Variants in TMEM92 observed in about 807,000 individuals in gnomAD.
TMEM92 encodes transmembrane protein 92.
TMEM92 carries 15 observed loss-of-function variants against 14.6 expected under a neutral mutation model. The ratio of observed to expected loss-of-function variants is 1.03; its 90% CI spans 0.69 to 1.58. TMEM92 has a LOEUF of 1.58. Ranked by LOEUF, TMEM92 falls within the 40% of genes most tolerant of loss-of-function variation. The pLI, the probability that TMEM92 is intolerant of heterozygous loss-of-function variation, is 0.00. For missense variants in TMEM92, 174 were observed against 202.4 expected (o/e 0.86, Z 0.85); for synonymous variants, 85 against 83.3 (o/e 1.02, Z -0.11).
rs1910537777 is a variant in TMEM92 at position 50,279,283 on chromosome 17, G to A, written c.455G>A (p.Arg152Lys). ...FRPEEYTGDQ[R>K]GIDNPAF is the part of the protein sequence containing the mutation. ...CCTGAAGAATATACCGGGGATCAGA[G>A]GGGCATTGACAACCCGGCCTTCTGA... Residue 152 changes from arginine to lysine, a missense_variant, in exon 5 of 5, where the codon AGG (arginine) becomes AAG (lysine). Coordinates refer to ENST00000507382, the MANE Select transcript of TMEM92 (RefSeq NM_153229.3). 1 of 1,613,880 alleles carries A rather than the reference G, an allele frequency of 6.2e-7. No individual in the cohort carries two copies.
rs1910565350 is a variant in TMEM92, at chr17:50,279,991, C to T, written c.*683C>T. 1 of 152,376 alleles carries T rather than the reference C, an allele frequency of 6.6e-6. No homozygotes were observed. The highest frequency in any genetic ancestry group is 1.5e-5 in the Non-Finnish European group (1 of 68,194). 9.4% of individuals were successfully genotyped at this position (152,376 alleles called of 1,614,324 possible). A position where few individuals can be genotyped will look rare whatever the true frequency, so the allele number is the denominator to read the frequency against. ...GAGAGGCTTGTTCTAGATGTATTGGCTGTCTGTTTTTTGATGTCTCTGTGT... is the reference window on the plus strand; with the variant it reads ...GAGAGGCTTGTTCTAGATGTATTGGTTGTCTGTTTTTTGATGTCTCTGTGT... On this transcript the variant is annotated 3_prime_UTR_variant, in exon 5 of 5. Transcript: ENST00000507382.
Position 50,279,426 on chromosome 17 carries a change from A to G in TMEM92, c.*118A>G, listed in dbSNP as rs942590518. ...TGCCCATCCTGCCGTGTCTCTGTTCATTCTTGGATTTAACTTATTACTTTT... is the reference window on the plus strand; with the variant it reads ...TGCCCATCCTGCCGTGTCTCTGTTCGTTCTTGGATTTAACTTATTACTTTT... On this transcript the variant is annotated 3_prime_UTR_variant, in exon 5 of 5. Coordinates refer to ENST00000507382, the MANE Select transcript of TMEM92 (RefSeq NM_153229.3). The G allele has an allele frequency of 1.5e-5, 12 of 821,308 alleles. No individual in the cohort carries two copies. Among genetic ancestry groups the G allele is most frequent in the African/African-American group, 1.4e-4 (8 of 57,516 alleles). The allele number at this position is 821,308 out of a possible 1,614,324, so 50.9% of individuals were successfully genotyped here.
In TMEM92 at chr17:50,279,508, A is replaced by G. The variant is rs745743364; in HGVS notation, c.*200A>G. 18 of 537,292 alleles carry G rather than the reference A, an allele frequency of 3.4e-5. No homozygotes were observed. Among genetic ancestry groups the G allele is most frequent in the Non-Finnish European group, 4.9e-5 (15 of 304,612 alleles). The allele number at this position is 537,292 out of a possible 1,614,324, so 33.3% of individuals were successfully genotyped here. Reference sequence around the variant, plus strand: ...TTGTCCTGAGGGTTAGGCTGGAGTGACAGTTTCCGCCCACCCCCCAGCCCA... The same window carrying G: ...TTGTCCTGAGGGTTAGGCTGGAGTGGCAGTTTCCGCCCACCCCCCAGCCCA... On this transcript the variant is annotated 3_prime_UTR_variant, in exon 5 of 5. Coordinates refer to ENST00000507382, the MANE Select transcript of TMEM92 (RefSeq NM_153229.3).
intron 1 of TMEM92, chr17:50,275,157 C>CAAGTAAACT (rs1910386093): frequency 1.3e-5 from 2 of 154,076 alleles, no homozygotes; most frequent in African/African-American, 4.8e-5. Context: ...GTTCCCTCCG[C>CAAGTAAACT]CCTTCTGTTC....
chr17:50,274,757 G>A, intron 1 of TMEM92, 187 bp downstream of exon 1: 1 of 616,250 alleles, frequency 1.6e-6, no homozygotes, highest in East Asian at 3.0e-5. Context: ...TCTGGGAGAG[G>A]CTGGGTTCTC....
chr17:50,279,121 A>G (rs11868277), intron 4 of TMEM92, 74 bp from the exon 5 acceptor site: 1 of 1,516,144 alleles, frequency 6.6e-7, no homozygotes, highest in Non-Finnish European at 9.2e-7. Flanking sequence ...CCTGGTAACC[A>G]TGCCTCAGCT....
At chr17:50,279,099 G>A in intron 4 of TMEM92, 96 bp from the exon 5 acceptor site, 1 of 1,453,098 alleles carries the variant, frequency 6.9e-7, no homozygotes, top group South Asian at 1.2e-5. Flanking sequence ...CCAGCATTGG[G>A]TCACCCCTCT....
upstream of TMEM92, chr17:50,274,323 C>T: frequency 1.6e-6 from 1 of 640,962 alleles, no homozygotes; most frequent in East Asian, 2.8e-5. Flanking sequence ...AAAACCCAAC[C>T]CAGACCTCTG....
chr17:50,279,671 A>G lies in TMEM92; in HGVS notation c.*363A>G, dbSNP rs555651363. ...GGACAGCCAGCTCTGAGATTTTATC[A>G]GGGCACTTCTATACCTGTGGGACAT... On this transcript the variant is annotated 3_prime_UTR_variant, in exon 5 of 5. Coordinates refer to ENST00000507382, the MANE Select transcript of TMEM92 (RefSeq NM_153229.3). 4.9e-5 allele frequency: 15 copies of G among 308,392 alleles called. 1 individual carries two copies. The highest frequency in any genetic ancestry group is 3.2e-4 in the South Asian group (12 of 37,084). The allele number at this position is 308,392 out of a possible 1,614,324, so 19.1% of individuals were successfully genotyped here.
Position 50,279,538 on chromosome 17 carries a change from A to T in TMEM92, c.*230A>T. On this transcript the variant is annotated 3_prime_UTR_variant, in exon 5 of 5. Coordinates refer to ENST00000507382, the MANE Select transcript of TMEM92 (RefSeq NM_153229.3). ...TTCCGCCCACCCCCCAGCCCAAGAAAGAGGCTGCCGGAAAGAAAATGCTGA... is the reference window on the plus strand; with the variant it reads ...TTCCGCCCACCCCCCAGCCCAAGAATGAGGCTGCCGGAAAGAAAATGCTGA... 2.0e-6 allele frequency: 1 copy of T among 494,722 alleles called. No individual in the cohort carries two copies. Among genetic ancestry groups the T allele is most frequent in the Non-Finnish European group, 3.6e-6 (1 of 276,992 alleles). 30.6% of individuals were successfully genotyped at this position (494,722 alleles called of 1,614,324 possible). A position where few individuals can be genotyped will look rare whatever the true frequency, so the allele number is the denominator to read the frequency against.
chr17:50,273,502 A>G (rs1239676012), upstream of TMEM92, among the ~76,000 whole-genome samples: 3 of 152,120 alleles, frequency 2.0e-5, no homozygotes, highest in African/African-American at 7.2e-5. Context: ...CCAGCTGCGG[A>G]CCCCGGGGCA....
At chr17:50,272,418 A>G (rs1910276251), upstream of TMEM92, among the ~76,000 whole-genome samples, 1 of 152,180 alleles carries the variant, frequency 6.6e-6, no homozygotes, top group African/African-American at 2.4e-5. Context: ...AGTGTGGGGT[A>G]GAGACCCCAG....
chr17:50,276,438 A>G (rs1220899446), intron 1 of TMEM92, among the ~76,000 whole-genome samples: 1 of 152,184 alleles, frequency 6.6e-6, no homozygotes, highest in African/African-American at 2.4e-5. Flanking sequence ...AGCGTGGAAA[A>G]GGGGAATTAC....
intron 1 of TMEM92, among the ~76,000 whole-genome samples, chr17:50,275,973 A>G (rs1364389339): frequency 6.6e-6 from 1 of 151,968 alleles, no homozygotes; most frequent in Non-Finnish European, 1.5e-5. Context: ...TCTACTAACA[A>G]TACAAAAATT....
intron 2 of TMEM92, among the ~76,000 whole-genome samples, chr17:50,278,197 C>T (rs988442046): frequency 3.9e-5 from 6 of 152,184 alleles, no homozygotes; most frequent in Admixed American, 2.0e-4. Context: ...ACTGGCTCTT[C>T]CTGGACATGC....
At chr17:50,274,715 G>A (rs1282232961) in intron 1 of TMEM92, 145 bp downstream of exon 1, 5 of 748,592 alleles carry the variant, frequency 6.7e-6, no homozygotes, top group African/African-American at 1.8e-5. Flanking sequence ...TCTCTTTGCT[G>A]TGGAGGTGGA....
At chr17:50,274,424 C>G, upstream of TMEM92, 1 of 1,521,040 alleles carries the variant, frequency 6.6e-7, no homozygotes. Flanking sequence ...GAGGCGGGGC[C>G]CCATAGGTGG....
intron 2 of TMEM92, 148 bp from the exon 3 acceptor site, chr17:50,278,408 T>G (rs988856777): frequency 8.7e-6 from 7 of 800,502 alleles, no homozygotes; most frequent in Non-Finnish European, 1.4e-5. Context: ...CCTACTGAGC[T>G]CAGAGCGGGG....
intron 1 of TMEM92, among the ~76,000 whole-genome samples, chr17:50,277,486 G>A (rs903882215): frequency 1.1e-4 from 16 of 151,954 alleles, no homozygotes; most frequent in African/African-American, 3.9e-4. Flanking sequence ...CGGGGGTGAT[G>A]GAATGTGCTG....
Sources: allele counts gnomAD v4.1 joint callset (sites outside exome capture counted in the v4.1 genomes callset), GRCh38; gene constraint gnomAD v4.1.1; transcripts MANE v1.5; gene names NCBI Gene and HGNC (gene_info 2026-07-23, HGNC 2026-07-21).